Variants in CTNNBL1 observed in about 807,000 individuals in gnomAD.
The protein encoded by CTNNBL1 is catenin beta like 1, also known as beta-catenin-like protein 1.
A neutral mutation model predicts 72.7 loss-of-function variants in CTNNBL1; 31 were observed. The observed-to-expected ratio is 0.43, with a 90% CI of 0.32 to 0.58. CTNNBL1 has a LOEUF of 0.58. CTNNBL1 is among the 20% of genes least tolerant of loss of function. The pLI is 0.08. For synonymous variants in CTNNBL1, 240 were observed against 267.3 expected, an observed-to-expected ratio of 0.90 and a Z score of 1.00; for missense variants, 534 against 725.1, an observed-to-expected ratio of 0.74 and a Z score of 3.03.
chr20:37,762,262 T>C (rs1251111828), intron 5 of CTNNBL1, among the ~76,000 whole-genome samples: 1 of 152,224 alleles, frequency 6.6e-6, no homozygotes, highest in Admixed American at 6.5e-5. Flanking sequence ...GTTATTACTG[T>C]GTTTTAAATA....
At chr20:37,716,036 G>A (rs2072983690) in intron 1 of CTNNBL1, among the ~76,000 whole-genome samples, 1 of 151,602 alleles carries the variant, frequency 6.6e-6, no homozygotes, top group African/African-American at 2.4e-5. Flanking sequence ...AAGTATTTTT[G>A]ATACCCTAAG....
At position 37,727,365 on chromosome 20, in the gene CTNNBL1, CATCT is replaced by C. The variant is rs751121681; in HGVS notation, c.31-5507_31-5504del. On this transcript the variant is annotated intron_variant, in intron 1 of 15. Transcript: ENST00000361383. ...CCTCAAGATTATTGGCGAGTAAAGG[CATCT>C]ATCTATTATCGTGAAGCCTACTCTG... is the stretch of plus-strand genomic sequence containing the variant. 1.0e-3 allele frequency: 1,030 copies of C among 984,558 alleles called. 1 individual carries two copies. The highest frequency in any genetic ancestry group is 1.2e-3 in the Non-Finnish European group (977 of 829,198). The allele number at this position is 984,558 out of a possible 1,614,324, so 61.0% of individuals were successfully genotyped here.
At chr20:37,785,914 T>C (rs567089664) in intron 10 of CTNNBL1, among the ~76,000 whole-genome samples, 1 of 152,320 alleles carries the variant, frequency 6.6e-6, no homozygotes, top group South Asian at 2.1e-4. Flanking sequence ...TAGAGAGTCT[T>C]GGGTGTTGTG....
Position 37,803,031 on chromosome 20 carries a change from C to A in CTNNBL1, c.1196C>A (p.Thr399Asn), listed in dbSNP as rs1275774894. 6.2e-6 allele frequency: 10 copies of A among 1,613,976 alleles called. No individual in the cohort carries two copies. The highest frequency in any genetic ancestry group is 8.5e-6 in the Non-Finnish European group (10 of 1,179,938). ...AGGAAGATCAAGAAAGTGGGAACCA[C>A]TGAGAAGGAACATGAAGGTAGGGTT... ...SPRKIKKVGTTEKEHEEHVCS... is the reference protein window; with the variant it reads ...SPRKIKKVGTNEKEHEEHVCS... The change falls in exon 11 of 16, where the codon ACT becomes AAT. Residue 399 changes from threonine (T) to asparagine (N), a missense_variant. Transcript: ENST00000361383.
chr20:37,718,883 G>A (rs1448902046), intron 1 of CTNNBL1, among the ~76,000 whole-genome samples: 1 of 152,222 alleles, frequency 6.6e-6, no homozygotes, highest in East Asian at 1.9e-4. Flanking sequence ...GGTCTTGACT[G>A]AGGAAAGGAG....
At position 37,752,786 on chromosome 20, in the gene CTNNBL1, T is replaced by C. The variant is rs75336755; in HGVS notation, c.467-4773T>C. Among the ~76,000 whole-genome samples, 323 of 152,272 alleles carry C rather than the reference T, an allele frequency of 2.1e-3. 8 individuals carry two copies. In the East Asian group the frequency reaches 0.039, roughly 18 times the overall value. On this transcript the variant is annotated intron_variant, in intron 4 of 15. Coordinates refer to ENST00000361383, the MANE Select transcript of CTNNBL1 (RefSeq NM_030877.5). ...GTTTACCTATTATTACACTAACTTATTGCCCCAGTAGTGGACAGGTACAGA... is the reference window on the plus strand; with the variant it reads ...GTTTACCTATTATTACACTAACTTACTGCCCCAGTAGTGGACAGGTACAGA...
At chr20:37,842,858 C>T (rs117854035) in intron 13 of CTNNBL1, among the ~76,000 whole-genome samples, 3,343 of 152,262 alleles carry the variant, frequency 0.022, 65 homozygotes, top group Non-Finnish European at 0.038. Context: ...ATCCAGTTAC[C>T]CCATTTACAG....
chr20:37,772,180 C>A (rs1408158452), intron 7 of CTNNBL1, among the ~76,000 whole-genome samples: 1 of 152,130 alleles, frequency 6.6e-6, no homozygotes, highest in African/African-American at 2.4e-5. Flanking sequence ...TTACAAGGAC[C>A]ATGTCTCTGT....
At chr20:37,775,299 G>A (rs1359282214) in intron 7 of CTNNBL1, among the ~76,000 whole-genome samples, 4 of 152,132 alleles carry the variant, frequency 2.6e-5, no homozygotes, top group African/African-American at 2.4e-5. Flanking sequence ...TGAACGCTAC[G>A]ACCATCATTC....
chr20:37,814,788 G>A (rs2072040483), intron 11 of CTNNBL1, among the ~76,000 whole-genome samples: 2 of 152,162 alleles, frequency 1.3e-5, no homozygotes, highest in Non-Finnish European at 2.9e-5. Flanking sequence ...CTAGTGTTGA[G>A]AGCTACTGGC....
chr20:37,733,054 A>G lies in CTNNBL1; in HGVS notation c.206A>G (p.Glu69Gly). 1 of 1,612,440 alleles carries G rather than the reference A, an allele frequency of 6.2e-7. No homozygotes were observed. The highest frequency in any genetic ancestry group is 1.1e-5 in the South Asian group (1 of 91,006). Residue 69 changes from glutamate (E) to glycine (G), a missense_variant, in exon 2 of 16, where the codon GAG becomes GGG. Transcript: ENST00000361383. ...CAGATTATTGACAGAGATGGGGAAG[A>G]GGAAGAGGAAGAGGTAACGTGGCAG... ...LLQIIDRDGE[E>G]EEEEEEPLDE...
intron 12 of CTNNBL1, among the ~76,000 whole-genome samples, chr20:37,841,931 A>G (rs1209084184): frequency 6.6e-6 from 1 of 152,194 alleles, no homozygotes; most frequent in Non-Finnish European, 1.5e-5. Context: ...CTGAACATGA[A>G]AGGTTTCAGT....
At chr20:37,768,837 G>T (rs905805409) in intron 7 of CTNNBL1, among the ~76,000 whole-genome samples, 2 of 152,090 alleles carry the variant, frequency 1.3e-5, no homozygotes, top group African/African-American at 2.4e-5. Context: ...GGAGTACAGT[G>T]GCATGATCTT....
In CTNNBL1 at chr20:37,746,517, G is replaced by T; in HGVS notation, c.376G>T (p.Val126Leu). 1.2e-6 allele frequency: 2 copies of T among 1,614,088 alleles called. No homozygotes were observed. The highest frequency in any genetic ancestry group is 1.1e-5 in the South Asian group (1 of 91,084). Residue 126 changes from valine (V) to leucine (L), a missense_variant, in exon 4 of 16, where the codon GTG (valine) becomes TTG (leucine). Transcript: ENST00000361383. ...AAATGACATCATTCAGGAGATGCAC[G>T]TGGTGGCCACCATGCCAGACCTGTA... is the stretch of plus-strand genomic sequence containing the variant. ...DLNDIIQEMH[V>L]VATMPDLYHL...
chr20:37,870,929 C>T (rs747218821), intron 15 of CTNNBL1, among the ~76,000 whole-genome samples: 38 of 152,204 alleles, frequency 2.5e-4, no homozygotes, highest in Non-Finnish European at 4.8e-4. Context: ...ACACTCATCT[C>T]CTTCTGATCT....
chr20:37,843,028 T>C (rs1258792574), intron 13 of CTNNBL1, among the ~76,000 whole-genome samples: 1 of 152,172 alleles, frequency 6.6e-6, no homozygotes, highest in East Asian at 1.9e-4. Flanking sequence ...CTTACTATGG[T>C]GTTATCCCAC....
At chr20:37,766,580 G>A (rs1177600691) in intron 6 of CTNNBL1, among the ~76,000 whole-genome samples, 1 of 152,188 alleles carries the variant, frequency 6.6e-6, no homozygotes, top group East Asian at 1.9e-4. Context: ...CCAAATTGCT[G>A]GATAGGAGCA....
intron 11 of CTNNBL1, among the ~76,000 whole-genome samples, chr20:37,824,692 G>A (rs572186155): frequency 5.3e-5 from 8 of 152,322 alleles, no homozygotes; most frequent in Admixed American, 4.6e-4. Flanking sequence ...GGGAGCCCAG[G>A]TTCCTTCTGT....
intron 3 of CTNNBL1, chr20:37,744,538 A>T (rs1294727982): frequency 6.6e-6 from 1 of 152,152 alleles, no homozygotes; most frequent in Non-Finnish European, 1.5e-5. Flanking sequence ...TAGAACAGGG[A>T]TTGTAGATAA....
Sources: allele counts gnomAD v4.1 joint callset (sites outside exome capture counted in the v4.1 genomes callset), GRCh38; gene constraint gnomAD v4.1.1; transcripts MANE v1.5; gene names NCBI Gene and HGNC (gene_info 2026-07-23, HGNC 2026-07-21).